The following CPS1 variants were observed in gnomAD, a reference collection of about 807,000 sequenced individuals.
CPS1 encodes the protein carbamoyl-phosphate synthase 1.
CPS1 carries 109 observed loss-of-function variants against 174.6 expected under a neutral mutation model. That is an observed-to-expected ratio of 0.62 (90% CI 0.53 to 0.73). CPS1 has a LOEUF of 0.73. Ranked by LOEUF, CPS1 falls within the 30% of genes least tolerant of loss-of-function variation. The pLI, the probability that CPS1 is intolerant of heterozygous loss-of-function variation, is 0.00. For missense variants in CPS1, 1,689 were observed against 1,821.9 expected (o/e 0.93, Z 1.33); for synonymous variants, 637 against 632.0 (o/e 1.01, Z -0.12).
rs754780089 is a variant in CPS1, at chr2:210,668,292, G to A, written c.4101+8G>A. 8.2e-6 allele frequency: 13 copies of A among 1,594,174 alleles called. No homozygotes were observed. The Admixed American group carries it at 2.0e-4, about 25-fold the overall frequency. ...ATCCTGATAGGCATCCAGGTAAGTGGTTTGTGGCTGTGTGCTTGCCCATGG... is the reference window on the plus strand; with the variant it reads ...ATCCTGATAGGCATCCAGGTAAGTGATTTGTGGCTGTGTGCTTGCCCATGG... On this transcript the variant is annotated splice_region_variant and intron_variant, in intron 34 of 37. Coordinates refer to ENST00000233072, the MANE Select transcript of CPS1 (RefSeq NM_001875.5).
rs1401841718 is a variant in CPS1 at position 210,497,889 on chromosome 2, C to CATATATAT, written c.3+20126_3+20127insTATATATA. On this transcript the variant is annotated intron_variant, in intron 1 of 38. Transcript: ENST00000430249. ...TGTCTTTTTGGTAGAACAATATATA[C>CATATATAT]ATACATATATATATATATATATATA... Among the ~76,000 whole-genome samples, 351 of 63,028 alleles carry CATATATAT rather than the reference C, an allele frequency of 5.6e-3. 4 individuals carry two copies. Among genetic ancestry groups the CATATATAT allele is most frequent in the East Asian group, 0.036 (69 of 1,912 alleles). 41.3% of individuals were successfully genotyped at this position (63,028 alleles called of 152,430 possible). A position where few individuals can be genotyped will look rare whatever the true frequency, so the allele number is the denominator to read the frequency against.
chr2:210,624,398 T>A (rs1699633862), intron 21 of CPS1, among the ~76,000 whole-genome samples: 2 of 152,118 alleles, frequency 1.3e-5, no homozygotes, highest in Admixed American at 1.3e-4. Flanking sequence ...ATGCTTTCAG[T>A]CTTCATACTC....
rs747138655 is a variant in CPS1 at position 210,591,912 on chromosome 2, C to T, written c.1029C>T (p.Asn343=). 1.3e-5 allele frequency: 21 copies of T among 1,612,462 alleles called. No homozygotes were observed. The highest frequency in any genetic ancestry group is 1.7e-4 in the Middle Eastern group (1 of 6,048). Reference sequence around the variant, plus strand: ...AGAATCATGGCTATGCCTTGGACAACACCCTCCCTGCTGGCTGGAAACCAC... The same window carrying T: ...AGAATCATGGCTATGCCTTGGACAATACCCTCCCTGCTGGCTGGAAACCAC... ...TAQNHGYALD[N]TLPAGWKPLF... Residue 343 remains asparagine (N), a synonymous_variant, in exon 10 of 38, where the codon AAC becomes AAT. Transcript: ENST00000233072.
intron 1 of CPS1, among the ~76,000 whole-genome samples, chr2:210,486,588 G>A (rs892326038): frequency 3.9e-5 from 6 of 152,220 alleles, no homozygotes; most frequent in African/African-American, 9.6e-5. Context: ...GCGGCTTACC[G>A]CAACCTCCGC....
At chr2:210,585,214 A>G (rs1352568031) in intron 6 of CPS1, among the ~76,000 whole-genome samples, 1 of 152,056 alleles carries the variant, frequency 6.6e-6, no homozygotes, top group Non-Finnish European at 1.5e-5. Context: ...TACATGGTCA[A>G]CAAATAATGA....
chr2:210,676,067 T>C (rs1232266650), intron 36 of CPS1, among the ~76,000 whole-genome samples: 1 of 152,276 alleles, frequency 6.6e-6, no homozygotes, highest in Admixed American at 6.5e-5. Context: ...GTAAGGATAC[T>C]TTCCTTGACG....
At chr2:210,649,087 G>A (rs1172963156) in intron 27 of CPS1, among the ~76,000 whole-genome samples, 1 of 152,148 alleles carries the variant, frequency 6.6e-6, no homozygotes, top group Non-Finnish European at 1.5e-5. Context: ...TTCTTCAGAT[G>A]TTACCACATG....
chr2:210,669,399 C>T (rs558184069), intron 34 of CPS1, among the ~76,000 whole-genome samples: 132 of 152,144 alleles, frequency 8.7e-4, no homozygotes, highest in Non-Finnish European at 1.4e-3. Flanking sequence ...TATATAATAT[C>T]CCTGCTGTGC....
At chr2:210,554,066 T>C (rs1696799856), upstream of CPS1, among the ~76,000 whole-genome samples, 1 of 148,396 alleles carries the variant, frequency 6.7e-6, no homozygotes, top group Non-Finnish European at 1.5e-5. Context: ...ATAAAATATA[T>C]ATACATATAT....
In CPS1 at chr2:210,678,933, A is replaced by C. The variant is rs960199461; in HGVS notation, c.*948A>C. 1 of 152,158 alleles carries C rather than the reference A, an allele frequency of 6.6e-6. No individual in the cohort carries two copies. Among genetic ancestry groups the C allele is most frequent in the Non-Finnish European group, 1.5e-5 (1 of 68,018 alleles). 9.4% of individuals were successfully genotyped at this position (152,158 alleles called of 1,614,324 possible). A position where few individuals can be genotyped will look rare whatever the true frequency, so the allele number is the denominator to read the frequency against. ...TTAAGACGATGGATTCTGTTGAACT[A>C]TGGGGTCCCACACTGCACTATTAAT... On this transcript the variant is annotated 3_prime_UTR_variant, in exon 38 of 38. Transcript: ENST00000233072.
At chr2:210,618,339 A>G (rs939990696) in intron 21 of CPS1, 3 of 152,088 alleles carry the variant, frequency 2.0e-5, no homozygotes, top group Non-Finnish European at 4.4e-5. Context: ...GCTTTATATC[A>G]TTTCAAAAAT....
chr2:210,481,876 C>A (rs1443505972), intron 1 of CPS1, among the ~76,000 whole-genome samples: 2 of 152,242 alleles, frequency 1.3e-5, no homozygotes, highest in East Asian at 1.9e-4. Flanking sequence ...AAGAATCCAG[C>A]TGGTTCATCC....
intron 2 of CPS1, among the ~76,000 whole-genome samples, chr2:210,575,479 A>G (rs1477547521): frequency 6.7e-6 from 1 of 150,164 alleles, no homozygotes; most frequent in African/African-American, 2.5e-5. Flanking sequence ...AATAAGAAAT[A>G]TGTGTGTGTG....
At chr2:210,512,627 T>C (rs951047652) in intron 1 of CPS1, among the ~76,000 whole-genome samples, 8 of 150,676 alleles carry the variant, frequency 5.3e-5, no homozygotes, top group Non-Finnish European at 3.0e-5. Context: ...CTAGGTTGAT[T>C]CCATATCTTT....
intron 15 of CPS1, among the ~76,000 whole-genome samples, chr2:210,601,708 T>A (rs978127519): frequency 6.6e-6 from 1 of 151,740 alleles, no homozygotes; most frequent in Non-Finnish European, 1.5e-5. Flanking sequence ...AAAAAAGAAT[T>A]CCAAGCTTCT....
intron 1 of CPS1, among the ~76,000 whole-genome samples, chr2:210,509,479 G>A (rs1299898103): frequency 1.3e-5 from 2 of 152,182 alleles, no homozygotes; most frequent in Non-Finnish European, 2.9e-5. Context: ...ACATGATAGG[G>A]ATGCCCTCTC....
rs1694534521 is a variant in CPS1 at position 210,480,452 on chromosome 2, C to T, written c.3+2686C>T. Among the ~76,000 whole-genome samples the T allele has an allele frequency of 2.0e-5, 3 of 152,238 alleles. No individual in the cohort carries two copies. The South Asian group carries it at 6.2e-4, about 32-fold the overall frequency. Reference sequence around the variant, plus strand: ...GATGGCAGTTTTAGTAACTGATAGCCCCTGTCTGCCAGCAAAGGCGCAGCA... The same window carrying T: ...GATGGCAGTTTTAGTAACTGATAGCTCCTGTCTGCCAGCAAAGGCGCAGCA... On this transcript the variant is annotated intron_variant, in intron 1 of 38. Transcript: ENST00000430249.
rs191550680 is a variant in CPS1, at chr2:210,594,636, G to T, written c.1263+30G>T. 2.8e-3 allele frequency: 4,316 copies of T among 1,519,880 alleles called. 9 individuals carry two copies. Among genetic ancestry groups the T allele is most frequent in the South Asian group, 5.9e-3 (523 of 89,094 alleles). The allele number at this position is 1,519,880 out of a possible 1,614,324, so 94.1% of individuals were successfully genotyped here. A position where few individuals can be genotyped will look rare whatever the true frequency, so the allele number is the denominator to read the frequency against. On this transcript the variant is annotated intron_variant, in intron 12 of 37. Coordinates refer to ENST00000233072, the MANE Select transcript of CPS1 (RefSeq NM_001875.5). ...GTATGTGGGCTTATTTTTGGTTTAT[G>T]AATTTTGGATTGTCCCTATCACATG... is the stretch of plus-strand genomic sequence containing the variant.
chr2:210,591,662 A>G (rs1301011740), intron 9 of CPS1, among the ~76,000 whole-genome samples, 169 bp from the exon 10 acceptor site: 1 of 152,026 alleles, frequency 6.6e-6, no homozygotes. Flanking sequence ...TTGTTGGGAA[A>G]ATTACTGGGA....
Sources: gnomAD v4.1 joint callset for allele counts (sites outside exome capture counted in the v4.1 genomes callset) on GRCh38, gnomAD v4.1.1 for gene constraint, MANE v1.5 for transcripts, NCBI Gene and HGNC (gene_info 2026-07-23, HGNC 2026-07-21) for gene names.